TUSC3: variants seen among roughly 807,000 people sequenced by gnomAD.
TUSC3 encodes tumor suppressor candidate 3.
In TUSC3, 45 loss-of-function variants were observed where a neutral mutation model predicts 44.8. The observed-to-expected ratio is 1.00, with a 90% CI of 0.79 to 1.29. The LOEUF is 1.29. Among genes scored for constraint, TUSC3 ranks in the 50% most tolerant of loss-of-function variants. TUSC3 has a pLI of 0.00. For synonymous variants in TUSC3, 212 were observed against 152.9 expected (o/e 1.39, Z -2.85); for missense variants, 519 against 437.9 (o/e 1.19, Z -1.65).
At chr8:15,506,843 C>T (rs1385720590) in intron 2 of TUSC3, among the ~76,000 whole-genome samples, 2 of 152,164 alleles carry the variant, frequency 1.3e-5, no homozygotes, top group Non-Finnish European at 2.9e-5. Context: ...GGCCCTGCCC[C>T]TTACCCGGAA....
At chr8:15,661,479 C>T (rs971940958) in intron 4 of TUSC3, among the ~76,000 whole-genome samples, 20 of 151,954 alleles carry the variant, frequency 1.3e-4, no homozygotes, top group Non-Finnish European at 4.4e-5. Context: ...TTGACTTCTG[C>T]TCATGCATCC....
At chr8:15,672,358 C>T (rs1485708586) in intron 5 of TUSC3, among the ~76,000 whole-genome samples, 2 of 151,816 alleles carry the variant, frequency 1.3e-5, no homozygotes, top group Non-Finnish European at 2.9e-5. Flanking sequence ...GAAACTGAGG[C>T]CCAAAGCAAT....
At chr8:15,759,504 C>T (rs1406265182) in intron 10 of TUSC3, among the ~76,000 whole-genome samples, 1 of 151,992 alleles carries the variant, frequency 6.6e-6, no homozygotes, top group East Asian at 1.9e-4. Context: ...ACAAAACAAA[C>T]AGCAAGCCAT....
chr8:15,832,847 C>A, the TUSC3 span, among the ~76,000 whole-genome samples: 1 of 152,104 alleles, frequency 6.6e-6, no homozygotes, highest in African/African-American at 2.4e-5. Flanking sequence ...GACTTCAACA[C>A]CCCAATGACA....
chr8:15,682,047 T>A (rs1199500444), intron 6 of TUSC3, among the ~76,000 whole-genome samples: 1 of 152,186 alleles, frequency 6.6e-6, no homozygotes, highest in African/African-American at 2.4e-5. Context: ...TGATTTTGAT[T>A]GTTTTGAATT....
At chr8:15,593,000 G>C (rs1032864693) in intron 1 of TUSC3, among the ~76,000 whole-genome samples, 20 of 152,106 alleles carry the variant, frequency 1.3e-4, no homozygotes, top group Non-Finnish European at 5.9e-5. Flanking sequence ...GGAAAGGTCA[G>C]GTTTGGGGGT....
intron 1 of TUSC3, among the ~76,000 whole-genome samples, chr8:15,558,317 G>C (rs1802336610): frequency 2.2e-5 from 1 of 46,362 alleles, no homozygotes; most frequent in African/African-American, 4.8e-5. Flanking sequence ...TTATTGATTT[G>C]CGTATATTGA....
chr8:15,851,081 G>A, the TUSC3 span, among the ~76,000 whole-genome samples: 2 of 152,156 alleles, frequency 1.3e-5, no homozygotes, highest in Non-Finnish European at 2.9e-5. Flanking sequence ...ACGACGCGAC[G>A]CTTTTCGGAA....
At chr8:15,597,110 A>G (rs373567232) in intron 1 of TUSC3, among the ~76,000 whole-genome samples, 209 of 152,276 alleles carry the variant, frequency 1.4e-3, no homozygotes, top group African/African-American at 4.9e-3. Context: ...ATACAGTGAT[A>G]AATAGAATAT....
intron 6 of TUSC3, among the ~76,000 whole-genome samples, chr8:15,688,267 T>A (rs1303028272): frequency 2.6e-5 from 4 of 152,144 alleles, no homozygotes; most frequent in African/African-American, 9.7e-5. Context: ...ACTCTACAAT[T>A]TCAGAATAAG....
At chr8:15,476,109 C>G (rs1218946828) in intron 1 of TUSC3, among the ~76,000 whole-genome samples, 1 of 152,108 alleles carries the variant, frequency 6.6e-6, no homozygotes, top group African/African-American at 2.4e-5. Flanking sequence ...TAAAGTGCAG[C>G]CTGTACCCAA....
chr8:15,655,527 C>T (rs1166952745), intron 3 of TUSC3, among the ~76,000 whole-genome samples: 2 of 152,190 alleles, frequency 1.3e-5, no homozygotes, highest in East Asian at 1.9e-4. Context: ...AGTCAAAGTC[C>T]GAACAGTGCA....
chr8:15,566,505 A>G (rs1403305835), intron 1 of TUSC3, among the ~76,000 whole-genome samples: 4 of 152,140 alleles, frequency 2.6e-5, no homozygotes, highest in African/African-American at 9.7e-5. Flanking sequence ...GAGCTGGACC[A>G]CAACAACTGA....
chr8:15,650,800 G>C lies in TUSC3; in HGVS notation c.412G>C (p.Asp138His). The change falls in exon 3 of 11, where the codon GAC (aspartate) becomes CAC (histidine). Residue 138 changes from aspartate (D) to histidine (H), a missense_variant. Coordinates refer to ENST00000503731, the MANE Select transcript of TUSC3 (RefSeq NM_006765.4). Reference sequence around the variant, plus strand: ...TATGGTGGACTATGATGAGGGGACAGACGTTTTTCAGCAGGTAAAGAGTTA... The same window carrying C: ...TATGGTGGACTATGATGAGGGGACACACGTTTTTCAGCAGGTAAAGAGTTA... ...FSMVDYDEGT[D>H]VFQQLNMNSA... 1 of 1,614,008 alleles carries C rather than the reference G, an allele frequency of 6.2e-7. No homozygotes were observed. The highest frequency in any genetic ancestry group is 8.5e-7 in the Non-Finnish European group (1 of 1,179,906).
chr8:15,714,125 T>A (rs1809970841), intron 6 of TUSC3, among the ~76,000 whole-genome samples: 1 of 152,114 alleles, frequency 6.6e-6, no homozygotes, highest in Non-Finnish European at 1.5e-5. Flanking sequence ...GTGTTATTGG[T>A]GGTACAAAGC....
At chr8:15,473,045 G>A (rs1800515933) in intron 1 of TUSC3, among the ~76,000 whole-genome samples, 1 of 152,164 alleles carries the variant, frequency 6.6e-6, no homozygotes, top group South Asian at 2.1e-4. Context: ...AATATATGCT[G>A]CCTTCATGAA....
At chr8:15,450,446 G>A (rs1021708829) in intron 1 of TUSC3, among the ~76,000 whole-genome samples, 29 of 152,144 alleles carry the variant, frequency 1.9e-4, no homozygotes, top group Non-Finnish European at 3.7e-4. Flanking sequence ...AGCACTTGGG[G>A]AGACCAAGGC....
At chr8:15,716,837 A>G (rs1161768959) in intron 6 of TUSC3, among the ~76,000 whole-genome samples, 2 of 151,966 alleles carry the variant, frequency 1.3e-5, no homozygotes, top group Non-Finnish European at 2.9e-5. Context: ...TATTTATACG[A>G]TTTTTTTGAG....
chr8:15,682,913 A>T (rs781325215), intron 6 of TUSC3, among the ~76,000 whole-genome samples: 1 of 151,042 alleles, frequency 6.6e-6, no homozygotes, highest in Non-Finnish European at 1.5e-5. Context: ...TTACCAGCTT[A>T]GTTTGGCATG....
Sources: allele counts gnomAD v4.1 joint callset (sites outside exome capture counted in the v4.1 genomes callset), GRCh38; gene constraint gnomAD v4.1.1; transcripts MANE v1.5; gene names NCBI Gene and HGNC (gene_info 2026-07-23, HGNC 2026-07-21).